The following JPT2 variants were observed in gnomAD, a reference collection of about 807,000 sequenced individuals.
JPT2 encodes CRAMP_1 like.
In JPT2, 9 loss-of-function variants were observed where a neutral mutation model predicts 15.9. The ratio of observed to expected loss-of-function variants is 0.57; its 90% confidence interval spans 0.34 to 0.99. The LOEUF (loss-of-function observed/expected upper bound fraction) is 0.99, where lower values mean the gene tolerates loss of function less well. Ranked by LOEUF, JPT2 falls within the 50% of genes least tolerant of loss-of-function variation. The pLI is 0.02. For synonymous variants in JPT2, 95 were observed against 91.7 expected (o/e 1.04, Z -0.21); for missense variants, 267 against 252.1 (o/e 1.06, Z -0.40).
chr16:1,698,689 T>C lies in JPT2; in HGVS notation c.386-122T>C. ...AAGCCTGTCTATATTGTCTTCTCTT[T>C]CCCAGTTACAGCATGAATTTCTTGC... On this transcript the variant is annotated intron_variant, in intron 4 of 4. Transcript: ENST00000248098. This position sits in a 1 kb window ranked among gnomAD's most constrained non-coding sequence, Gnocchi z 4.9. 3.2e-6 allele frequency: 3 copies of C among 948,666 alleles called. No homozygotes were observed. Among genetic ancestry groups the C allele is most frequent in the Non-Finnish European group, 4.7e-6 (3 of 640,852 alleles). The allele number at this position is 948,666 out of a possible 1,614,324, so 58.8% of individuals were successfully genotyped here. A position where few individuals can be genotyped will look rare whatever the true frequency, so the allele number is the denominator to read the frequency against.
intron 2 of JPT2, among the ~76,000 whole-genome samples, chr16:1,687,304 T>C (rs1207043279): frequency 6.6e-6 from 1 of 152,222 alleles, no homozygotes; most frequent in Non-Finnish European, 1.5e-5. Flanking sequence ...GGTTTGCTGC[T>C]TGCCTTTTTT....
In JPT2 at chr16:1,684,090, T is replaced by C. The variant is rs542970135; in HGVS notation, c.45-1349T>C. ...TTACACCGTATCACCTGGGGAATAA[T>C]GACAGAAAAGAAGTCTGTAGATGTT... On this transcript the variant is annotated intron_variant, in intron 1 of 4. Transcript: ENST00000248098. 7.0e-4 allele frequency among the ~76,000 whole-genome samples: 107 copies of C among 152,346 alleles called. 1 individual carries two copies. Among genetic ancestry groups the C allele is most frequent in the African/African-American group, 2.4e-3 (101 of 41,582 alleles).
rs1136070 is a variant in JPT2, at chr16:1,701,934, C to T, written c.*2936C>T. On this transcript the variant is annotated 3_prime_UTR_variant, in exon 5 of 5. Coordinates refer to ENST00000248098, the MANE Select transcript of JPT2 (RefSeq NM_144570.3). ...GTGCATGCCTGTAGTCCCAGCTACTCGGGAGGCTGAGTGAGGCAGGAGGAT... is the reference window on the plus strand; with the variant it reads ...GTGCATGCCTGTAGTCCCAGCTACTTGGGAGGCTGAGTGAGGCAGGAGGAT... The T allele has an allele frequency of 0.11, 34,569 of 326,810 alleles. 2,924 individuals are homozygous for T. Among genetic ancestry groups the T allele is most frequent in the African/African-American group, 0.3 (13,873 of 46,372 alleles). 20.2% of individuals were successfully genotyped at this position (326,810 alleles called of 1,614,324 possible).
At chr16:1,702,568 A>G (rs2037186520), downstream of JPT2, among the ~76,000 whole-genome samples, 1 of 152,244 alleles carries the variant, frequency 6.6e-6, no homozygotes, top group Admixed American at 6.5e-5. Context: ...TTTTGATGTC[A>G]GGTAACTTTG....
chr16:1,682,269 C>T (rs191359557), intron 1 of JPT2, among the ~76,000 whole-genome samples: 189 of 151,864 alleles, frequency 1.2e-3, no homozygotes, highest in Non-Finnish European at 2.2e-3. Flanking sequence ...CCCAGCTACT[C>T]GGAAGGCTGA....
Position 1,685,420 on chromosome 16 carries a change from A to C in JPT2, c.45-19A>C. On this transcript the variant is annotated intron_variant, in intron 1 of 4. Transcript: ENST00000248098. ...TTCAGGTCTGCCATCAGTAATTGGCATGTACTCTGTGCTTGTAGGGCCATG... is the reference window on the plus strand; with the variant it reads ...TTCAGGTCTGCCATCAGTAATTGGCCTGTACTCTGTGCTTGTAGGGCCATG... 6.2e-7 allele frequency: 1 copy of C among 1,613,696 alleles called. No individual in the cohort carries two copies. The highest frequency in any genetic ancestry group is 8.5e-7 in the Non-Finnish European group (1 of 1,179,802).
At chr16:1,680,865 C>T (rs1183795675) in intron 1 of JPT2, among the ~76,000 whole-genome samples, 1 of 152,162 alleles carries the variant, frequency 6.6e-6, no homozygotes, top group Non-Finnish European at 1.5e-5. Flanking sequence ...TTCTGAAACT[C>T]GGGGACAAAC....
At chr16:1,697,715 A>C in intron 3 of JPT2, 97 bp from the exon 4 acceptor site, 1 of 1,166,868 alleles carries the variant, frequency 8.6e-7, no homozygotes, top group Non-Finnish European at 1.3e-6. Context: ...GCATTTTTGT[A>C]AATTAAAAGG....
At chr16:1,684,386 C>G (rs1439900838) in intron 1 of JPT2, among the ~76,000 whole-genome samples, 1 of 152,110 alleles carries the variant, frequency 6.6e-6, no homozygotes, top group Non-Finnish European at 1.5e-5. Context: ...AGATAGTGCT[C>G]TAGAAATAGA....
downstream of JPT2, chr16:1,702,350 C>T (rs751256878): frequency 5.8e-5 from 18 of 307,700 alleles, no homozygotes; most frequent in Admixed American, 7.7e-5. Context: ...GGAAATGACA[C>T]GCTAAGTTTC....
intron 1 of JPT2, among the ~76,000 whole-genome samples, chr16:1,680,113 G>A (rs1484132918): frequency 1.3e-5 from 2 of 152,170 alleles, no homozygotes; most frequent in Non-Finnish European, 2.9e-5. Context: ...GGTCTGCACC[G>A]ATGTGGGACC....
intron 3 of JPT2, 51 bp from the exon 4 acceptor site, chr16:1,697,761 A>G (rs1314538894): frequency 6.4e-7 from 1 of 1,557,740 alleles, no homozygotes; most frequent in East Asian, 2.2e-5. Context: ...CATTTGAATG[A>G]GGGTAAAATT....
intron 3 of JPT2, among the ~76,000 whole-genome samples, chr16:1,695,766 G>A (rs2037137085): frequency 1.3e-5 from 2 of 151,744 alleles, no homozygotes; most frequent in Non-Finnish European, 2.9e-5. Context: ...AGCTGTTCAG[G>A]AGGCTGAGTT....
At position 1,685,571 on chromosome 16, in the gene JPT2, G is replaced by C. The variant is rs1444046574; in HGVS notation, c.177G>C (p.Lys59Asn). The C allele has an allele frequency of 6.2e-7, 1 of 1,614,066 alleles. No individual in the cohort carries two copies. Among genetic ancestry groups the C allele is most frequent in the Admixed American group, 1.7e-5 (1 of 60,008 alleles). Residue 59 changes from lysine to asparagine, a missense_variant, in exon 2 of 5, where the codon AAG becomes AAC. By Grantham distance (94) the Lys-to-Asn change is moderately conservative. Transcript: ENST00000248098. The part of the protein sequence containing the change: ...GPTEEPQNIP[K>N]RTNPPGGKGS... ...CAGAAGAACCTCAGAACATACCCAA[G>C]AGGACAAATCCCCCAGGTATGGGCC...
At chr16:1,682,283 G>T (rs776825474) in intron 1 of JPT2, among the ~76,000 whole-genome samples, 6 of 152,096 alleles carry the variant, frequency 3.9e-5, no homozygotes, top group South Asian at 2.1e-4. Context: ...AGGCTGAGGC[G>T]GGAGAATTGC....
At chr16:1,687,283 G>A (rs889933894) in intron 2 of JPT2, among the ~76,000 whole-genome samples, 3 of 152,148 alleles carry the variant, frequency 2.0e-5, no homozygotes, top group Non-Finnish European at 4.4e-5. Context: ...CCTTGTGCCC[G>A]GCCGAAGCTA....
intron 2 of JPT2, chr16:1,690,401 C>T (rs143138412): frequency 6.6e-6 from 1 of 152,314 alleles, no homozygotes; most frequent in Non-Finnish European, 1.5e-5. Context: ...CTGCTAAAAG[C>T]TCCTCTGTCT....
intron 1 of JPT2, among the ~76,000 whole-genome samples, chr16:1,682,538 G>A (rs1303734160): frequency 1.3e-5 from 2 of 152,156 alleles, no homozygotes; most frequent in East Asian, 3.8e-4. Context: ...TGGGCATGGT[G>A]GCGGGCATCT....
Position 1,699,647 on chromosome 16 carries a change from C to T in JPT2, c.*649C>T. 3.6e-6 allele frequency: 1 copy of T among 275,700 alleles called. No homozygotes were observed. Among genetic ancestry groups the T allele is most frequent in the Non-Finnish European group, 7.2e-6 (1 of 139,130 alleles). The allele number at this position is 275,700 out of a possible 1,614,324, so 17.1% of individuals were successfully genotyped here. A position where few individuals can be genotyped will look rare whatever the true frequency, so the allele number is the denominator to read the frequency against. On this transcript the variant is annotated 3_prime_UTR_variant, in exon 5 of 5. Coordinates refer to ENST00000248098, the MANE Select transcript of JPT2 (RefSeq NM_144570.3). ...AGTGCCCAGTTCCTGCCATCTGAAACCTCGGCCTGATCTGATCTCATGTTG... is the reference window on the plus strand; with the variant it reads ...AGTGCCCAGTTCCTGCCATCTGAAATCTCGGCCTGATCTGATCTCATGTTG...
Sources: allele counts gnomAD v4.1 joint callset (sites outside exome capture counted in the v4.1 genomes callset), GRCh38; gene constraint gnomAD v4.1.1; non-coding constraint Gnocchi (gnomAD v3.1); transcripts MANE v1.5; gene names NCBI Gene and HGNC (gene_info 2026-07-23, HGNC 2026-07-21).